Variants in DDX52 observed in about 807,000 individuals in gnomAD.
DDX52 encodes DExD-box helicase 52.
DDX52 carries 59 observed loss-of-function variants against 76.1 expected under a neutral mutation model. That is an observed-to-expected ratio of 0.78 (90% CI 0.63 to 0.96). The LOEUF is 0.96. Ranked by LOEUF, DDX52 falls within the 40% of genes least tolerant of loss-of-function variation. DDX52 has a pLI of 0.00. For missense variants in DDX52, 707 were observed against 703.9 expected (o/e 1.00, Z -0.05); for synonymous variants, 231 against 244.1 (o/e 0.95, Z 0.50).
chr17:37,636,092 T>G lies in DDX52; in HGVS notation c.287-2674A>C, dbSNP rs544181874. 5.9e-5 allele frequency among the ~76,000 whole-genome samples: 9 copies of G among 152,324 alleles called. No individual in the cohort carries two copies. The East Asian group carries it at 1.7e-3, about 29-fold the overall frequency. The stretch of plus-strand genomic sequence containing the variant: ...AATGTTATCTTTTGAAGAATGAAAA[T>G]TTTTAGTTTCGATAAGTCCAATATA... On this transcript the variant is annotated intron_variant, in intron 2 of 14. Transcript: ENST00000617633.
In DDX52 at chr17:37,642,180, C is replaced by T; in HGVS notation, c.216G>A (p.Glu72=). The T allele has an allele frequency of 1.2e-6, 2 of 1,613,910 alleles. No homozygotes were observed. The highest frequency in any genetic ancestry group is 1.7e-6 in the Non-Finnish European group (2 of 1,179,962). The change falls in exon 2 of 15, where the codon GAG becomes GAA. Residue 72 remains glutamate (E), a synonymous_variant. Transcript: ENST00000617633. ...SQTHQKPQNG[E]KKEESLTERK... ...TTTCAGTTAGGCTCTCTTCTTTTTT[C>T]TCTCCATTTTGGGGCTTCTGATGTG... is the stretch of plus-strand genomic sequence containing the variant.
At position 37,640,227 on chromosome 17, in the gene DDX52, AAAC is replaced by A. The variant is rs1473846647; in HGVS notation, c.286+1880_286+1882del. On this transcript the variant is annotated intron_variant, in intron 2 of 14. Transcript: ENST00000617633. ...CAAAACTACAACAGCAAAAATGTGA[AAAC>A]AAACTATAATTATCCATCACACAGG... Among the ~76,000 whole-genome samples, 3 of 152,354 alleles carry A rather than the reference AAAC, an allele frequency of 2.0e-5. No homozygotes were observed. The East Asian group carries it at 5.8e-4, about 29-fold the overall frequency.
chr17:37,640,591 T>C (rs1416008592), intron 2 of DDX52, among the ~76,000 whole-genome samples: 1 of 151,588 alleles, frequency 6.6e-6, no homozygotes, highest in Admixed American at 6.6e-5. Context: ...CTTTTCATCA[T>C]TGTATAACTC....
intron 2 of DDX52, among the ~76,000 whole-genome samples, chr17:37,640,253 A>G (rs953871273): frequency 1.3e-5 from 2 of 152,252 alleles, no homozygotes; most frequent in African/African-American, 2.4e-5. Context: ...TCCATCACAC[A>G]GGAACTTGTT....
intron 2 of DDX52, chr17:37,635,595 C>T (rs1319919287): frequency 2.6e-5 from 12 of 455,756 alleles, no homozygotes; most frequent in South Asian, 7.7e-5. Flanking sequence ...ATGTACAGTT[C>T]ATCATTCACC....
At chr17:37,616,385 C>T (rs901834467) in intron 14 of DDX52, among the ~76,000 whole-genome samples, 3 of 151,960 alleles carry the variant, frequency 2.0e-5, no homozygotes, top group African/African-American at 7.3e-5. Context: ...GTGGCTCACA[C>T]TTGTAATCCC....
rs771983986 is a variant in DDX52, at chr17:37,626,065, T to C, written c.966A>G (p.Lys322=). 1 of 1,613,988 alleles carries C rather than the reference T, an allele frequency of 6.2e-7. No homozygotes were observed. The highest frequency in any genetic ancestry group is 2.2e-5 in the East Asian group (1 of 44,876). The change falls in exon 8 of 15, where the codon AAA becomes AAG. Residue 322 remains lysine (K), a synonymous_variant. Coordinates refer to ENST00000617633, the MANE Select transcript of DDX52 (RefSeq NM_007010.5). ...ACCCAGTTTTGCCATCTTCAAACAG[T>C]TTATCTGATTCGTCTACTACAAGCC... ...VEWLVVDESD[K]LFEDGKTGFR...
chr17:37,614,196 T>G lies in DDX52; in HGVS notation c.*100A>C. ...GTACTTGTAGTTGATTTCAAATGTT[T>G]GGTACAGGTGACTGTAAGACTTCAA... On this transcript the variant is annotated 3_prime_UTR_variant, in exon 15 of 15. Coordinates refer to ENST00000617633, the MANE Select transcript of DDX52 (RefSeq NM_007010.5). 8.3e-7 allele frequency: 1 copy of G among 1,204,728 alleles called. No individual in the cohort carries two copies. The highest frequency in any genetic ancestry group is 1.2e-6 in the Non-Finnish European group (1 of 855,636). 74.6% of individuals were successfully genotyped at this position (1,204,728 alleles called of 1,614,324 possible). A position where few individuals can be genotyped will look rare whatever the true frequency, so the allele number is the denominator to read the frequency against.
chr17:37,626,760 A>G, intron 7 of DDX52, 28 bp downstream of exon 7: 2 of 1,590,554 alleles, frequency 1.3e-6, no homozygotes, highest in Non-Finnish European at 1.7e-6. Context: ...AAAAATACAC[A>G]CGAAAGACAT....
Position 37,614,143 on chromosome 17 carries a change from G to C in DDX52, c.*153C>G, listed in dbSNP as rs2064397924. Reference sequence around the variant, plus strand: ...CCTACAAATTGAAACTGACTTGATAGTTTAGGATCATTTATCACCAGTCCC... The same window carrying C: ...CCTACAAATTGAAACTGACTTGATACTTTAGGATCATTTATCACCAGTCCC... On this transcript the variant is annotated 3_prime_UTR_variant, in exon 15 of 15. Transcript: ENST00000617633. 1 of 774,242 alleles carries C rather than the reference G, an allele frequency of 1.3e-6. No homozygotes were observed. Among genetic ancestry groups the C allele is most frequent in the African/African-American group, 1.8e-5 (1 of 55,576 alleles). The allele number at this position is 774,242 out of a possible 1,614,324, so 48.0% of individuals were successfully genotyped here.
intron 2 of DDX52, among the ~76,000 whole-genome samples, chr17:37,640,557 G>A (rs972860065): frequency 7.9e-5 from 12 of 151,796 alleles, no homozygotes; most frequent in Non-Finnish European, 1.5e-4. Context: ...GGGGACTGGA[G>A]AGAAACAGTA....
At chr17:37,641,968 C>T (rs2031221355) in intron 2 of DDX52, 142 bp downstream of exon 2, 1 of 981,114 alleles carries the variant, frequency 1.0e-6, no homozygotes, top group Non-Finnish European at 1.5e-6. Flanking sequence ...AACAATATTT[C>T]TAATGACAAA....
intron 2 of DDX52, among the ~76,000 whole-genome samples, chr17:37,636,248 T>C (rs1326177212): frequency 2.0e-5 from 3 of 152,210 alleles, no homozygotes; most frequent in South Asian, 2.1e-4. Context: ...TCTGAGTCAT[T>C]TGAAGTTAAT....
chr17:37,632,319 G>A, intron 3 of DDX52, 21 bp from the exon 4 acceptor site: 1 of 1,613,420 alleles, frequency 6.2e-7, no homozygotes, highest in Non-Finnish European at 8.5e-7. Context: ...AAGTAAAGAG[G>A]CCACCATGGA....
intron 2 of DDX52, among the ~76,000 whole-genome samples, chr17:37,638,677 C>A (rs1191883187): frequency 4.6e-5 from 7 of 152,018 alleles, no homozygotes; most frequent in African/African-American, 1.5e-4. Flanking sequence ...GTTCCCTATT[C>A]ACTCCTTATA....
intron 6 of DDX52, among the ~76,000 whole-genome samples, chr17:37,627,919 C>A (rs986805026): frequency 6.6e-6 from 1 of 151,922 alleles, no homozygotes; most frequent in African/African-American, 2.4e-5. Flanking sequence ...AGGCATGCAC[C>A]ACCATGCCTG....
In DDX52 at chr17:37,642,317, C is replaced by CA. The variant is rs778372326; in HGVS notation, c.88-10dup. On this transcript the variant is annotated splice_polypyrimidine_tract_variant and intron_variant, in intron 1 of 14. Coordinates refer to ENST00000617633, the MANE Select transcript of DDX52 (RefSeq NM_007010.5). ...TATTTCCTTTTTCCTATCTAAAACCCAAAAAATGTAAAATGAAACCTACTG... is the reference window on the plus strand; with the variant it reads ...TATTTCCTTTTTCCTATCTAAAACCCAAAAAAATGTAAAATGAAACCTACTG... 1.9e-6 allele frequency: 3 copies of CA among 1,608,508 alleles called. No individual in the cohort carries two copies. Among genetic ancestry groups the CA allele is most frequent in the Admixed American group, 1.7e-5 (1 of 58,472 alleles).
At chr17:37,642,668 G>A in intron 1 of DDX52, 1 of 242,022 alleles carries the variant, frequency 4.1e-6, no homozygotes, top group Non-Finnish European at 7.9e-6. Flanking sequence ...ATGAGTAACT[G>A]GCAGACTTAG....
intron 5 of DDX52, 112 bp from the exon 6 acceptor site, chr17:37,628,784 T>G (rs1300095116): frequency 4.1e-6 from 3 of 738,512 alleles, no homozygotes; most frequent in African/African-American, 3.6e-5. Context: ...TATCTGAAAT[T>G]AAACTCATAA....
Sources: gnomAD v4.1 joint callset for allele counts (sites outside exome capture counted in the v4.1 genomes callset) on GRCh38, gnomAD v4.1.1 for gene constraint, MANE v1.5 for transcripts, NCBI Gene and HGNC (gene_info 2026-07-23, HGNC 2026-07-21) for gene names.